The following SYT9 variants were observed in gnomAD, a reference collection of about 807,000 sequenced individuals.
SYT9 encodes synaptotagmin-9.
In SYT9, 22 loss-of-function variants were observed where a neutral mutation model predicts 48.4. The ratio of observed to expected loss-of-function variants is 0.45; its 90% CI spans 0.32 to 0.65. The LOEUF (loss-of-function observed/expected upper bound fraction) is 0.65. Among genes scored for constraint, SYT9 ranks in the 30% least tolerant of loss-of-function variants. SYT9 has a pLI of 0.03. For synonymous variants in SYT9, 265 were observed against 245.0 expected (o/e 1.08, Z -0.76); for missense variants, 577 against 622.0 (o/e 0.93, Z 0.77).
intron 6 of SYT9, among the ~76,000 whole-genome samples, chr11:7,459,361 T>C (rs1256000661): frequency 2.0e-5 from 3 of 152,110 alleles, no homozygotes; most frequent in Non-Finnish European, 4.4e-5. Context: ...GTCCCAGGAC[T>C]AAGAACTGGG....
intron 3 of SYT9, among the ~76,000 whole-genome samples, 170 bp from the exon 4 acceptor site, chr11:7,415,872 C>A (rs551388149): frequency 1.3e-5 from 2 of 152,222 alleles, no homozygotes; most frequent in Non-Finnish European, 2.9e-5. Flanking sequence ...TCCCAAAGTG[C>A]AGGGATTTAT....
intron 1 of SYT9, among the ~76,000 whole-genome samples, chr11:7,275,869 A>C (rs1450579235): frequency 6.6e-6 from 1 of 152,118 alleles, no homozygotes; most frequent in Non-Finnish European, 1.5e-5. Context: ...CACCTTCCCC[A>C]AAAGTCCCCA....
At chr11:7,330,980 G>T (rs1849516994) in intron 3 of SYT9, among the ~76,000 whole-genome samples, 4 of 152,014 alleles carry the variant, frequency 2.6e-5, no homozygotes, top group African/African-American at 9.6e-5. Context: ...TGTATTTTTA[G>T]TAGAGATGGG....
chr11:7,407,209 T>G (rs1317121899), intron 3 of SYT9, among the ~76,000 whole-genome samples: 1 of 152,100 alleles, frequency 6.6e-6, no homozygotes, highest in Non-Finnish European at 1.5e-5. Flanking sequence ...TTTAATAAAT[T>G]TAATATAATC....
chr11:7,350,585 GC>G (rs1459736477), intron 3 of SYT9, among the ~76,000 whole-genome samples: 4 of 152,256 alleles, frequency 2.6e-5, no homozygotes, highest in African/African-American at 9.6e-5. Context: ...TCAAAATGCA[GC>G]CCTGGGGCCT....
chr11:7,295,560 T>A, intron 1 of SYT9, among the ~76,000 whole-genome samples: 1 of 152,236 alleles, frequency 6.6e-6, no homozygotes, highest in Non-Finnish European at 1.5e-5. Flanking sequence ...TTTCTGAGCC[T>A]GCACCAGAAT....
intron 1 of SYT9, among the ~76,000 whole-genome samples, chr11:7,283,790 A>G (rs1201922647): frequency 6.6e-6 from 1 of 152,138 alleles, no homozygotes; most frequent in African/African-American, 2.4e-5. Flanking sequence ...ATGATAATCA[A>G]TGAATTGCCT....
intron 3 of SYT9, among the ~76,000 whole-genome samples, chr11:7,395,260 C>T (rs1846729505): frequency 6.6e-6 from 1 of 151,696 alleles, no homozygotes; most frequent in Non-Finnish European, 1.5e-5. Flanking sequence ...TGCCTTATGG[C>T]CAAACATGTG....
At chr11:7,403,386 C>CA (rs1846936419) in intron 3 of SYT9, among the ~76,000 whole-genome samples, 1 of 151,992 alleles carries the variant, frequency 6.6e-6, no homozygotes, top group South Asian at 2.1e-4. Flanking sequence ...TCCATCTCTA[C>CA]AAAAAAATTT....
At chr11:7,322,590 T>C (rs1259829859) in intron 3 of SYT9, among the ~76,000 whole-genome samples, 2 of 152,150 alleles carry the variant, frequency 1.3e-5, no homozygotes, top group South Asian at 2.1e-4. Flanking sequence ...AAGGAAGGGA[T>C]TGATGAAGCT....
At chr11:7,419,666 GCAGGTGGAT>G (rs1847313415) in intron 5 of SYT9, among the ~76,000 whole-genome samples, 1 of 152,134 alleles carries the variant, frequency 6.6e-6, no homozygotes, top group Non-Finnish European at 1.5e-5. Context: ...GGAGGCTGAG[GCAGGTGGAT>G]CACTTGAGGT....
intron 3 of SYT9, among the ~76,000 whole-genome samples, chr11:7,363,840 G>A (rs1436999240): frequency 6.6e-6 from 1 of 152,082 alleles, no homozygotes; most frequent in African/African-American, 2.4e-5. Context: ...GCACATTGGT[G>A]ACAGCAATTT....
chr11:7,386,530 A>G (rs907034281), intron 3 of SYT9, among the ~76,000 whole-genome samples: 2 of 152,220 alleles, frequency 1.3e-5, no homozygotes, highest in Non-Finnish European at 2.9e-5. Context: ...TTATGCAGCC[A>G]AAAGACACAT....
chr11:7,274,603 C>G (rs545721455), intron 1 of SYT9, among the ~76,000 whole-genome samples: 1 of 152,310 alleles, frequency 6.6e-6, no homozygotes, highest in East Asian at 1.9e-4. Context: ...TAGGCATGAG[C>G]CACTGTGCCT....
intron 3 of SYT9, among the ~76,000 whole-genome samples, chr11:7,380,254 G>C (rs367807411): frequency 3.9e-5 from 6 of 152,044 alleles, no homozygotes; most frequent in Non-Finnish European, 5.9e-5. Context: ...TTGAACTCAT[G>C]GAGATAGAAA....
intron 1 of SYT9, among the ~76,000 whole-genome samples, chr11:7,299,602 A>T (rs903341746): frequency 6.6e-6 from 1 of 152,214 alleles, no homozygotes; most frequent in African/African-American, 2.4e-5. Context: ...ACAGGCCACA[A>T]CCCGCACAAC....
At chr11:7,331,895 A>C (rs887183361) in intron 3 of SYT9, among the ~76,000 whole-genome samples, 1 of 152,224 alleles carries the variant, frequency 6.6e-6, no homozygotes, top group Non-Finnish European at 1.5e-5. Context: ...CCACACTAGA[A>C]TAGTTGATCC....
intron 3 of SYT9, among the ~76,000 whole-genome samples, chr11:7,356,623 A>T (rs1425958444): frequency 6.6e-6 from 1 of 152,200 alleles, no homozygotes; most frequent in Non-Finnish European, 1.5e-5. Context: ...AACATTGGAG[A>T]TAGTAACAAA....
At chr11:7,355,019 G>A (rs1191183551) in intron 3 of SYT9, among the ~76,000 whole-genome samples, 2 of 152,150 alleles carry the variant, frequency 1.3e-5, no homozygotes, top group African/African-American at 4.8e-5. Context: ...ACTAGTACCT[G>A]TAATAGAGAA....
Sources: allele counts gnomAD v4.1 joint callset (sites outside exome capture counted in the v4.1 genomes callset), GRCh38; gene constraint gnomAD v4.1.1; transcripts MANE v1.5; gene names NCBI Gene and HGNC (gene_info 2026-07-23, HGNC 2026-07-21).